The following SDK1 variants were observed in gnomAD, a reference collection of about 807,000 sequenced individuals.
SDK1 encodes protein sidekick-1.
Under a neutral mutation model 245.5 loss-of-function variants are expected in SDK1, and 157 were observed. The ratio of observed to expected loss-of-function variants is 0.64; its 90% confidence interval spans 0.56 to 0.73. The LOEUF (loss-of-function observed/expected upper bound fraction) is 0.73. SDK1 is among the 30% of genes least tolerant of loss of function. SDK1 has a pLI of 0.00. For synonymous variants in SDK1, 1,647 were observed against 1,278.5 expected (o/e 1.29, Z -6.15); for missense variants, 3,583 against 3,002.3 (o/e 1.19, Z -4.52).
chr7:4,128,946 G>T (rs1196643922), intron 26 of SDK1, among the ~76,000 whole-genome samples: 8 of 97,686 alleles, frequency 8.2e-5, no homozygotes, highest in Admixed American at 1.0e-4. Flanking sequence ...TCCCCTGGAG[G>T]AGAGCAGCTT....
At chr7:4,050,421 C>T (rs1186460913) in intron 18 of SDK1, among the ~76,000 whole-genome samples, 1 of 152,192 alleles carries the variant, frequency 6.6e-6, no homozygotes, top group East Asian at 1.9e-4. Flanking sequence ...TGCCTTCTTC[C>T]CTCTCCTGTC....
chr7:3,657,544 G>T (rs146393068), intron 4 of SDK1, among the ~76,000 whole-genome samples: 1 of 152,280 alleles, frequency 6.6e-6, no homozygotes, highest in African/African-American at 2.4e-5. Flanking sequence ...AGCCAGCTGT[G>T]CTCTCTCGTC....
chr7:3,832,280 C>T (rs191663543), intron 5 of SDK1, among the ~76,000 whole-genome samples: 99 of 152,294 alleles, frequency 6.5e-4, no homozygotes, highest in Non-Finnish European at 1.2e-3. Flanking sequence ...TGATTTATAT[C>T]GCAGAACTGT....
At chr7:4,057,097 C>T (rs1779253361) in intron 19 of SDK1, among the ~76,000 whole-genome samples, 1 of 152,204 alleles carries the variant, frequency 6.6e-6, no homozygotes, top group African/African-American at 2.4e-5. Context: ...CAGTTGCCAC[C>T]TGGGTCTGAA....
At chr7:4,184,056 C>T (rs576223294) in intron 35 of SDK1, among the ~76,000 whole-genome samples, 2 of 152,344 alleles carry the variant, frequency 1.3e-5, no homozygotes, top group South Asian at 4.1e-4. Context: ...CCCTTTCTAG[C>T]CTCTGCTTCT....
At chr7:3,813,544 C>T (rs538508047) in intron 4 of SDK1, among the ~76,000 whole-genome samples, 1 of 149,918 alleles carries the variant, frequency 6.7e-6, no homozygotes, top group Non-Finnish European at 1.5e-5. Context: ...CAAGTCTTTG[C>T]TATTGTGAAT....
intron 22 of SDK1, among the ~76,000 whole-genome samples, chr7:4,094,755 C>T (rs1011978386): frequency 6.6e-6 from 1 of 152,162 alleles, no homozygotes; most frequent in African/African-American, 2.4e-5. Context: ...TTTCAGGGCA[C>T]CAGGCCAGGA....
intron 40 of SDK1, among the ~76,000 whole-genome samples, chr7:4,222,388 G>A (rs1213093121): frequency 1.3e-5 from 2 of 152,068 alleles, no homozygotes; most frequent in African/African-American, 4.8e-5. Context: ...TCTGCCTCCC[G>A]GGTTCAAGCA....
At chr7:3,569,080 C>A (rs1429212816) in intron 1 of SDK1, among the ~76,000 whole-genome samples, 1 of 148,076 alleles carries the variant, frequency 6.8e-6, no homozygotes, top group Non-Finnish European at 1.5e-5. Context: ...GAAAAATTAA[C>A]GAGTCTGTAT....
At chr7:3,614,752 G>A (rs371799009) in intron 1 of SDK1, among the ~76,000 whole-genome samples, 5 of 152,250 alleles carry the variant, frequency 3.3e-5, no homozygotes, top group African/African-American at 7.2e-5. Context: ...AATACGTGTC[G>A]TTATGATTTT....
At chr7:3,351,741 T>C (rs1016112562) in intron 1 of SDK1, among the ~76,000 whole-genome samples, 1 of 152,062 alleles carries the variant, frequency 6.6e-6, no homozygotes, top group Non-Finnish European at 1.5e-5. Context: ...ACATATTATA[T>C]AAAGCAAAAA....
At chr7:3,569,058 A>C (rs1301010134) in intron 1 of SDK1, among the ~76,000 whole-genome samples, 2 of 148,582 alleles carry the variant, frequency 1.3e-5, no homozygotes, top group African/African-American at 5.0e-5. Context: ...TTGGGCCTTA[A>C]TTTTCTCATC....
In SDK1 at chr7:3,723,924, G is replaced by A. The variant is rs1415653389; in HGVS notation, c.713+81819G>A. 5.5e-4 allele frequency among the ~76,000 whole-genome samples: 36 copies of A among 65,262 alleles called. 1 individual carries two copies. Among genetic ancestry groups the A allele is most frequent in the South Asian group, 2.2e-3 (4 of 1,804 alleles). The allele number at this position is 65,262 out of a possible 152,430, so 42.8% of individuals were successfully genotyped here. ...TATACACGTACATATATATATACAC[G>A]TATATATATATATATATATAGAGAG... On this transcript the variant is annotated intron_variant, in intron 4 of 44. Transcript: ENST00000404826.
chr7:3,946,783 C>T (rs938683543), intron 5 of SDK1, among the ~76,000 whole-genome samples: 2 of 152,008 alleles, frequency 1.3e-5, no homozygotes, highest in East Asian at 1.9e-4. Flanking sequence ...CTCAGAGTGA[C>T]GAGTCCACAC....
chr7:3,676,117 C>A (rs532480280), intron 4 of SDK1, among the ~76,000 whole-genome samples: 7 of 152,170 alleles, frequency 4.6e-5, no homozygotes, highest in African/African-American at 1.7e-4. Flanking sequence ...AGGTGCATGC[C>A]ATCACACCTG....
chr7:3,472,475 G>C (rs1781214788), intron 1 of SDK1, among the ~76,000 whole-genome samples: 1 of 152,146 alleles, frequency 6.6e-6, no homozygotes, highest in African/African-American at 2.4e-5. Context: ...ACAATACATG[G>C]TGAAGATAAT....
chr7:3,570,364 C>T (rs1780070066), intron 1 of SDK1, among the ~76,000 whole-genome samples: 1 of 152,164 alleles, frequency 6.6e-6, no homozygotes, highest in Non-Finnish European at 1.5e-5. Context: ...CAAACGCCGC[C>T]TCTGACCTGA....
chr7:3,994,471 A>C (rs1206530293), intron 14 of SDK1, among the ~76,000 whole-genome samples: 1 of 151,880 alleles, frequency 6.6e-6, no homozygotes, highest in Non-Finnish European at 1.5e-5. Context: ...GCAAGACCCC[A>C]TATCTACAAA....
intron 1 of SDK1, among the ~76,000 whole-genome samples, chr7:3,356,379 G>A (rs973061267): frequency 3.9e-5 from 6 of 152,096 alleles, no homozygotes; most frequent in African/African-American, 1.2e-4. Context: ...GCCAGCTCTC[G>A]GAAGCCCTCG....
Sources: allele counts gnomAD v4.1 joint callset (sites outside exome capture counted in the v4.1 genomes callset), GRCh38; gene constraint gnomAD v4.1.1; transcripts MANE v1.5; gene names NCBI Gene and HGNC (gene_info 2026-07-23, HGNC 2026-07-21).